The following SH3D19 variants were observed in gnomAD, a reference collection of about 807,000 sequenced individuals.
The protein encoded by SH3D19 is SH3 domain-containing protein 19.
SH3D19 carries 58 observed loss-of-function variants against 112.1 expected under a neutral mutation model. That is an observed-to-expected ratio of 0.52 (90% CI 0.42 to 0.64). The LOEUF (loss-of-function observed/expected upper bound fraction) is 0.64, where lower values mean the gene tolerates loss of function less well. Among genes scored for constraint, SH3D19 ranks in the 30% least tolerant of loss-of-function variants. SH3D19 has a pLI of 0.00. For missense variants in SH3D19, 1,090 were observed against 1,263.4 expected, an observed-to-expected ratio of 0.86 and a Z score of 2.08; for synonymous variants, 391 against 448.5, an observed-to-expected ratio of 0.87 and a Z score of 1.62.
At chr4:151,236,038 A>G (rs1450571402) in intron 1 of SH3D19, among the ~76,000 whole-genome samples, 2 of 152,234 alleles carry the variant, frequency 1.3e-5, no homozygotes, top group East Asian at 3.8e-4. Context: ...GTGGGACGCA[A>G]TGATAAATCA....
intron 9 of SH3D19, among the ~76,000 whole-genome samples, chr4:151,155,794 C>T (rs1297423927): frequency 6.6e-6 from 1 of 152,128 alleles, no homozygotes; most frequent in East Asian, 1.9e-4. Flanking sequence ...GAGGCTGAGG[C>T]AGGAGAACTG....
At chr4:151,219,571 T>A (rs1459980725) in intron 2 of SH3D19, among the ~76,000 whole-genome samples, 2 of 152,218 alleles carry the variant, frequency 1.3e-5, no homozygotes, top group Non-Finnish European at 2.9e-5. Flanking sequence ...TGGTATCTCA[T>A]TACCATGTTA....
chr4:151,121,366 GTATGGCACATA>G lies in SH3D19; in HGVS notation c.*714_*724del, dbSNP rs1747951817. On this transcript the variant is annotated 3_prime_UTR_variant, in exon 20 of 20. Transcript: ENST00000604030. ...AAGTATACACTGAGGAAAAAAATAA[GTATGGCACATA>G]TATGGAAGGATTAGTTGTATTAGCA... is the stretch of plus-strand genomic sequence containing the variant. The G allele has an allele frequency of 1.3e-5, 2 of 152,586 alleles. No individual in the cohort carries two copies. The highest frequency in any genetic ancestry group is 1.3e-4 in the Admixed American group (2 of 15,214). The allele number at this position is 152,586 out of a possible 1,614,324, so 9.5% of individuals were successfully genotyped here. A position where few individuals can be genotyped will look rare whatever the true frequency, so the allele number is the denominator to read the frequency against.
intron 1 of SH3D19, among the ~76,000 whole-genome samples, chr4:151,289,648 G>A (rs1775136938): frequency 6.6e-6 from 1 of 152,192 alleles, no homozygotes; most frequent in African/African-American, 2.4e-5. Flanking sequence ...AACACTGTTG[G>A]TGGTAATATA....
intron 8 of SH3D19, among the ~76,000 whole-genome samples, chr4:151,164,427 T>A (rs995325548): frequency 6.6e-6 from 1 of 152,166 alleles, no homozygotes; most frequent in African/African-American, 2.4e-5. Flanking sequence ...AATAAATAAT[T>A]CTGGCCCTTG....
At chr4:151,301,342 C>T (rs924481335) in intron 1 of SH3D19, among the ~76,000 whole-genome samples, 3 of 152,270 alleles carry the variant, frequency 2.0e-5, no homozygotes, top group African/African-American at 7.2e-5. Context: ...ATTCTCCTGC[C>T]TCAGCCTCCT....
chr4:151,217,654 CA>C lies in SH3D19; in HGVS notation c.152+8392del, dbSNP rs1033666425. Among the ~76,000 whole-genome samples the C allele has an allele frequency of 3.1e-3, 452 of 147,918 alleles. 1 individual carries two copies. Among genetic ancestry groups the C allele is most frequent in the African/African-American group, 0.01 (412 of 40,222 alleles). ...ACTTAAAAGTAATTGTGAATGAAAA[CA>C]AAAAAAAAATCTATCTTGGAAGAAC... On this transcript the variant is annotated intron_variant, in intron 2 of 19. Coordinates refer to ENST00000604030, the MANE Select transcript of SH3D19 (RefSeq NM_001378122.1).
intron 2 of SH3D19, among the ~76,000 whole-genome samples, chr4:151,211,869 A>G (rs981712929): frequency 2.0e-5 from 3 of 152,228 alleles, no homozygotes; most frequent in Non-Finnish European, 4.4e-5. Flanking sequence ...AGGTGTCTTC[A>G]TGACATAAAA....
At chr4:151,136,238 C>A (rs1751825821) in intron 14 of SH3D19, among the ~76,000 whole-genome samples, 1 of 151,984 alleles carries the variant, frequency 6.6e-6, no homozygotes, top group South Asian at 2.1e-4. Flanking sequence ...GCCTTGCCCT[C>A]CCATGCTCAC....
chr4:151,143,268 A>G (rs74673727), intron 12 of SH3D19, among the ~76,000 whole-genome samples: 73 of 151,226 alleles, frequency 4.8e-4, no homozygotes, highest in African/African-American at 1.7e-3. Context: ...TTTAGCTTCT[A>G]TTTTTCACAA....
At chr4:151,205,225 T>C (rs540519473) in intron 2 of SH3D19, among the ~76,000 whole-genome samples, 1 of 152,336 alleles carries the variant, frequency 6.6e-6, no homozygotes, top group Admixed American at 6.5e-5. Context: ...AGCTGAACTT[T>C]GTGCAGTGCT....
chr4:151,267,456 G>C (rs1025022478), intron 1 of SH3D19, among the ~76,000 whole-genome samples: 2 of 151,132 alleles, frequency 1.3e-5, no homozygotes, highest in African/African-American at 4.9e-5. Flanking sequence ...CTAGTTATTT[G>C]TACCTCTTGT....
At chr4:151,240,901 G>A (rs10016092) in intron 1 of SH3D19, among the ~76,000 whole-genome samples, 105,723 of 151,804 alleles carry the variant, frequency 0.7, 42,080 homozygotes, top group Non-Finnish European at 0.89. Flanking sequence ...TCCATCAACC[G>A]GTGATGGATA....
intron 2 of SH3D19, among the ~76,000 whole-genome samples, chr4:151,191,018 T>A (rs949312070): frequency 5.9e-5 from 9 of 152,206 alleles, no homozygotes; most frequent in Non-Finnish European, 2.9e-5. Context: ...ACCTCTTGCA[T>A]CAGCATGACC....
chr4:151,195,371 C>CAAAA (rs58618820), intron 2 of SH3D19, among the ~76,000 whole-genome samples: 79 of 66,762 alleles, frequency 1.2e-3, no homozygotes, highest in African/African-American at 1.7e-3. Context: ...GACTCTGTCT[C>CAAAA]AAAAAAAAAA....
At chr4:151,146,392 G>C (rs971858281) in intron 11 of SH3D19, among the ~76,000 whole-genome samples, 2 of 152,212 alleles carry the variant, frequency 1.3e-5, no homozygotes, top group South Asian at 2.1e-4. Context: ...CATCTCCTGG[G>C]TTCAAGCAGT....
At chr4:151,154,218 C>T (rs1173275827) in intron 9 of SH3D19, among the ~76,000 whole-genome samples, 5 of 150,586 alleles carry the variant, frequency 3.3e-5, no homozygotes, top group Non-Finnish European at 3.0e-5. Flanking sequence ...CCACAACCTC[C>T]GCTTCCCAGG....
chr4:151,254,161 C>T (rs895578507), intron 1 of SH3D19, among the ~76,000 whole-genome samples: 2 of 152,158 alleles, frequency 1.3e-5, no homozygotes, highest in Non-Finnish European at 2.9e-5. Context: ...ATGTAAAACA[C>T]TATCAGGCTT....
At chr4:151,246,589 C>T (rs900564523) in intron 1 of SH3D19, among the ~76,000 whole-genome samples, 11 of 152,152 alleles carry the variant, frequency 7.2e-5, no homozygotes, top group Non-Finnish European at 1.5e-4. Context: ...ATTTATGGCA[C>T]TGTTCTTTAC....
Sources: allele counts gnomAD v4.1 joint callset (sites outside exome capture counted in the v4.1 genomes callset), GRCh38; gene constraint gnomAD v4.1.1; transcripts MANE v1.5; gene names NCBI Gene and HGNC (gene_info 2026-07-23, HGNC 2026-07-21).